Variants in SEC14L2 observed in about 807,000 individuals in gnomAD.
SEC14L2 encodes the protein SEC14 like lipid binding 2, also known as SEC14-like protein 2.
A neutral mutation model predicts 56.9 loss-of-function variants in SEC14L2; 50 were observed. The ratio of observed to expected loss-of-function variants is 0.88; its 90% confidence interval spans 0.70 to 1.11. SEC14L2 has a LOEUF of 1.11. Among genes scored for constraint, SEC14L2 ranks in the 50% most tolerant of loss-of-function variants. The pLI is 0.00. For missense variants in SEC14L2, 414 were observed against 500.7 expected, an observed-to-expected ratio of 0.83 and a Z score of 1.65; for synonymous variants, 179 against 188.5, an observed-to-expected ratio of 0.95 and a Z score of 0.41.
At position 30,424,307 on chromosome 22, in the gene SEC14L2, G is replaced by T. The variant is rs1016809136; in HGVS notation, c.*1900G>T. The T allele has an allele frequency of 6.1e-6, 1 of 163,238 alleles. No homozygotes were observed. Among genetic ancestry groups the T allele is most frequent in the Non-Finnish European group, 1.4e-5 (1 of 73,554 alleles). 10.1% of individuals were successfully genotyped at this position (163,238 alleles called of 1,614,324 possible). A position where few individuals can be genotyped will look rare whatever the true frequency, so the allele number is the denominator to read the frequency against. On this transcript the variant is annotated 3_prime_UTR_variant, in exon 12 of 12. Transcript: ENST00000615189. ...GGTGTTTCAGGGGGTGGGAACCGCT[G>T]CGTTCCCCATCAACTTTTCTCCCAC...
chr22:30,407,587 C>T lies in SEC14L2; in HGVS notation c.407C>T (p.Ala136Val), dbSNP rs1934133139. ...TGTGAGCTGCTTCTGCAAGAGTGTG[C>T]CCACCAGACCACAAAGGTGAGTGGA... ...RECELLLQEC[A>V]HQTTKLGRKV... is the part of the protein sequence containing the mutation. The change falls in exon 5 of 12, where the codon GCC becomes GTC. Residue 136 changes from alanine to valine, a missense_variant. By Grantham distance (64) the Ala-to-Val change is moderately conservative. Transcript: ENST00000615189. 1 of 1,613,612 alleles carries T rather than the reference C, an allele frequency of 6.2e-7. No homozygotes were observed. The highest frequency in any genetic ancestry group is 1.3e-5 in the African/African-American group (1 of 74,906).
chr22:30,399,256 C>T (rs1487378790), intron 1 of SEC14L2, among the ~76,000 whole-genome samples: 1 of 152,080 alleles, frequency 6.6e-6, no homozygotes, highest in African/African-American at 2.4e-5. Flanking sequence ...GGGGTTCATG[C>T]CTGTAATCCC....
At chr22:30,422,066 G>A (rs1234030401) in intron 11 of SEC14L2, among the ~76,000 whole-genome samples, 1 of 152,108 alleles carries the variant, frequency 6.6e-6, no homozygotes, top group Non-Finnish European at 1.5e-5. Flanking sequence ...CTGGCACTTG[G>A]CATGTTCTGC....
intron 11 of SEC14L2, chr22:30,416,645 G>A: frequency 2.1e-6 from 3 of 1,436,940 alleles, no homozygotes; most frequent in Non-Finnish European, 2.7e-6. Context: ...GTGAGTCACA[G>A]TCCTAGGCGA....
At chr22:30,414,778 AAG>A (rs1934343661) in intron 8 of SEC14L2, among the ~76,000 whole-genome samples, 1 of 152,124 alleles carries the variant, frequency 6.6e-6, no homozygotes, top group Non-Finnish European at 1.5e-5. Flanking sequence ...AAAAAAAAAA[AAG>A]AGCCAAATTA....
rs572676146 is a variant in SEC14L2 at position 30,401,675 on chromosome 22, G to A, written c.130+1957G>A. Among the ~76,000 whole-genome samples the A allele has an allele frequency of 4.7e-4, 48 of 101,060 alleles. 1 individual carries two copies. Among genetic ancestry groups the A allele is most frequent in the Non-Finnish European group, 8.3e-4 (42 of 50,760 alleles). 66.3% of individuals were successfully genotyped at this position (101,060 alleles called of 152,430 possible). On this transcript the variant is annotated intron_variant, in intron 2 of 11. Coordinates refer to ENST00000615189, the MANE Select transcript of SEC14L2 (RefSeq NM_012429.5). ...ATTACAGGCATGCGCCACCACGCCC[G>A]GCTAATTTTTTTTTTTTTTGTATCT... is the stretch of plus-strand genomic sequence containing the variant.
At chr22:30,397,284 G>A (rs936653594) in intron 1 of SEC14L2, 114 bp downstream of exon 1, 8 of 971,156 alleles carry the variant, frequency 8.2e-6, no homozygotes, top group Middle Eastern at 3.3e-4. Context: ...GGGCGGCGGA[G>A]GGAACAGAGG....
intron 7 of SEC14L2, 97 bp downstream of exon 7, chr22:30,409,583 G>A: frequency 8.7e-7 from 1 of 1,150,852 alleles, no homozygotes; most frequent in Non-Finnish European, 1.3e-6. Context: ...CCAAAAGAGG[G>A]GGTCTGAGGA....
At chr22:30,410,495 C>T in intron 7 of SEC14L2, 101 bp from the exon 8 acceptor site, 4 of 1,146,402 alleles carry the variant, frequency 3.5e-6, no homozygotes, top group Non-Finnish European at 3.9e-6. Flanking sequence ...AACATGTGGC[C>T]CAGCATGGGC....
intron 2 of SEC14L2, among the ~76,000 whole-genome samples, chr22:30,404,363 G>A (rs1934033247): frequency 1.3e-5 from 2 of 152,156 alleles, no homozygotes; most frequent in African/African-American, 2.4e-5. Context: ...AATCTCTTGA[G>A]GGAGCCTATG....
rs774401807 is a variant in SEC14L2, at chr22:30,423,912, G to T, written c.*1505G>T. 3 of 152,300 alleles carry T rather than the reference G, an allele frequency of 2.0e-5. No homozygotes were observed. Among genetic ancestry groups the T allele is most frequent in the Non-Finnish European group, 4.4e-5 (3 of 68,084 alleles). The allele number at this position is 152,300 out of a possible 1,614,324, so 9.4% of individuals were successfully genotyped here. A position where few individuals can be genotyped will look rare whatever the true frequency, so the allele number is the denominator to read the frequency against. ...CTCAAGAGGCCCAAACTCAGACGGC[G>T]TCAGGGACCCGGACCCAGCAGCCGT... is the stretch of plus-strand genomic sequence containing the variant. On this transcript the variant is annotated 3_prime_UTR_variant, in exon 12 of 12. Coordinates refer to ENST00000615189, the MANE Select transcript of SEC14L2 (RefSeq NM_012429.5).
At position 30,409,433 on chromosome 22, in the gene SEC14L2, G is replaced by T. The variant is rs767466084; in HGVS notation, c.527G>T (p.Cys176Phe). ...GTGATTTTGTTTCCACAGTTTCTCT[G>T]CATGTTTGAGGAAAATTATCCCGAA... ...PAVEAYGEFL[C>F]MFEENYPETL... Residue 176 changes from cysteine to phenylalanine, a missense_variant, in exon 7 of 12, where the codon TGC becomes TTC. Transcript: ENST00000615189. 1 of 1,614,134 alleles carries T rather than the reference G, an allele frequency of 6.2e-7. No individual in the cohort carries two copies. The highest frequency in any genetic ancestry group is 8.5e-7 in the Non-Finnish European group (1 of 1,180,002).
At chr22:30,405,560 G>A (rs1934070305) in intron 2 of SEC14L2, among the ~76,000 whole-genome samples, 1 of 152,180 alleles carries the variant, frequency 6.6e-6, no homozygotes, top group Admixed American at 6.5e-5. Context: ...TGGCTTTAGG[G>A]AATGTGTGGG....
rs1014491331 is a variant in SEC14L2, at chr22:30,417,259, A to T, written c.1081+856A>T. On this transcript the variant is annotated intron_variant, in intron 11 of 11. Coordinates refer to ENST00000615189, the MANE Select transcript of SEC14L2 (RefSeq NM_012429.5). ...AAAGAACTCTGGGGAAATTTATGCT[A>T]ACTCTAACAGTGGTTATCTCTGGGA... 2.6e-5 allele frequency among the ~76,000 whole-genome samples: 4 copies of T among 152,372 alleles called. No homozygotes were observed. The East Asian group carries it at 7.7e-4, about 29-fold the overall frequency.
intron 1 of SEC14L2, chr22:30,398,490 T>C (rs1204431653): frequency 5.6e-6 from 2 of 354,670 alleles, no homozygotes; most frequent in African/African-American, 2.1e-5. Flanking sequence ...GGAGGGCATA[T>C]AGGGGCCTGT....
chr22:30,402,316 C>A (rs1569205355), intron 2 of SEC14L2, among the ~76,000 whole-genome samples: 1 of 152,106 alleles, frequency 6.6e-6, no homozygotes, highest in Non-Finnish European at 1.5e-5. Context: ...GGGGGAGAAG[C>A]ATGGTTTCTG....
chr22:30,398,602 G>A, intron 1 of SEC14L2: 1 of 435,068 alleles, frequency 2.3e-6, no homozygotes, highest in Non-Finnish European at 4.9e-6. Context: ...CCGCTTCCTG[G>A]CTTCCCCTAC....
At chr22:30,402,758 TA>T (rs1193657955) in intron 2 of SEC14L2, among the ~76,000 whole-genome samples, 2 of 146,860 alleles carry the variant, frequency 1.4e-5, no homozygotes, top group African/African-American at 2.5e-5. Context: ...TTTTTGTCCC[TA>T]AAAAAAACCC....
intron 11 of SEC14L2, 41 bp downstream of exon 11, chr22:30,416,444 C>T: frequency 6.2e-7 from 1 of 1,614,194 alleles, no homozygotes; most frequent in Non-Finnish European, 8.5e-7. Flanking sequence ...AGCCCCATGT[C>T]CAGCTTTCTG....
Sources: gnomAD v4.1 joint callset for allele counts (sites outside exome capture counted in the v4.1 genomes callset) on GRCh38, gnomAD v4.1.1 for gene constraint, MANE v1.5 for transcripts, NCBI Gene and HGNC (gene_info 2026-07-23, HGNC 2026-07-21) for gene names.